Variants in FTCD observed in about 807,000 individuals in gnomAD.
FTCD encodes formimidoyltransferase-cyclodeaminase.
Under a neutral mutation model 62.9 loss-of-function variants are expected in FTCD, and 76 were observed. That is an observed-to-expected ratio of 1.21 (90% CI 1.00 to 1.46). The LOEUF (loss-of-function observed/expected upper bound fraction) is 1.46, where lower values mean the gene tolerates loss of function less well. Among genes scored for constraint, FTCD ranks in the 40% most tolerant of loss-of-function variants. FTCD has a pLI of 0.00. For missense variants in FTCD, 845 were observed against 751.3 expected (o/e 1.12, Z -1.46); for synonymous variants, 397 against 336.9 (o/e 1.18, Z -1.95).
Position 46,154,037 on chromosome 21 carries a change from C to G in FTCD, c.238+112G>C. On this transcript the variant is annotated intron_variant, in intron 2 of 13. Coordinates refer to ENST00000397746, the MANE Select transcript of FTCD (RefSeq NM_206965.2). ...AGAGCCAGAGCCAGCCCCACTGGAC[C>G]CCACGTTCCAAGCCTGGGCCCCGGG... 4 of 1,107,938 alleles carry G rather than the reference C, an allele frequency of 3.6e-6. No individual in the cohort carries two copies. In the South Asian group the frequency reaches 3.7e-5, roughly 10 times the overall value. The allele number at this position is 1,107,938 out of a possible 1,614,324, so 68.6% of individuals were successfully genotyped here.
At chr21:46,140,527 A>G (rs61252612) in intron 10 of FTCD, among the ~76,000 whole-genome samples, 3,063 of 124,866 alleles carry the variant, frequency 0.025, 63 homozygotes, top group Middle Eastern at 0.036. Context: ...CCACCTTCGC[A>G]TTGCTCAGAG....
intron 1 of FTCD, 113 bp from the exon 2 acceptor site, chr21:46,154,445 G>A (rs2079382408): frequency 1.6e-6 from 2 of 1,264,846 alleles, no homozygotes; most frequent in East Asian, 2.5e-5. Context: ...GGCGGGCCAA[G>A]CCTTTGGGGG....
chr21:46,151,442 C>T (rs892951694), intron 5 of FTCD, 116 bp downstream of exon 5: 42 of 962,798 alleles, frequency 4.4e-5, no homozygotes, highest in African/African-American at 5.3e-5. Flanking sequence ...GGTGGGAGGC[C>T]GAACCCTGTC....
chr21:46,152,635 T>C (rs1487273341), intron 3 of FTCD: 1 of 380,646 alleles, frequency 2.6e-6, no homozygotes, highest in Non-Finnish European at 4.7e-6. Flanking sequence ...AGTGAAATTA[T>C]TCTGCTCTAG....
chr21:46,138,905 T>C lies in FTCD; in HGVS notation c.1279A>G (p.Lys427Glu). 6.2e-7 allele frequency: 1 copy of C among 1,613,216 alleles called. No homozygotes were observed. Among genetic ancestry groups the C allele is most frequent in the South Asian group, 1.1e-5 (1 of 91,070 alleles). ...TAYLEAMRLP[K>E]NTPEEKDRRT... ...CTGTCCTTTTCCTCAGGTGTGTTCT[T>C]GGGGAGCCTCATTGCTTCCTGCCAT... Residue 427 changes from lysine to glutamate, a missense_variant, in exon 11 of 14, where the codon AAG (lysine) becomes GAG (glutamate). Physicochemically the swap from Lys to Glu is moderately conservative, Grantham distance 56. Transcript: ENST00000397746.
At chr21:46,137,157 C>T (rs2078887751) in intron 13 of FTCD, 82 bp downstream of exon 13, 6 of 1,593,702 alleles carry the variant, frequency 3.8e-6, no homozygotes, top group Non-Finnish European at 4.3e-6. Context: ...CCCCACTGCC[C>T]ACAGCCAGTC....
Position 46,151,691 on chromosome 21 carries a change from A to G in FTCD, c.503T>C (p.Val168Ala), listed in dbSNP as rs2079280212. The G allele has an allele frequency of 1.2e-6, 2 of 1,612,856 alleles. No individual in the cohort carries two copies. Among genetic ancestry groups the G allele is most frequent in the South Asian group, 1.1e-5 (1 of 91,094 alleles). The change falls in exon 5 of 14, where the codon GTC becomes GCC. Residue 168 changes from valine (V) to alanine (A), a missense_variant. Transcript: ENST00000397746. ...CGTGGCCGTGGCCCCCCAACTGGGG[A>G]CAAAGGAGCTGGGACCAAAGTCGGG... ...WAPDFGPSSF[V>A]PSWGATATGA...
chr21:46,138,340 G>A (rs753527907), intron 12 of FTCD, among the ~76,000 whole-genome samples, 168 bp downstream of exon 12: 17 of 152,182 alleles, frequency 1.1e-4, no homozygotes, highest in Admixed American at 2.0e-4. Context: ...AGAAGGCAGC[G>A]GACACCCCGG....
intron 10 of FTCD, among the ~76,000 whole-genome samples, chr21:46,144,239 T>C (rs2079076006): frequency 6.6e-6 from 1 of 151,554 alleles, no homozygotes; most frequent in African/African-American, 2.4e-5. Context: ...CGTGTCTTAG[T>C]GGTAGTGGTC....
At chr21:46,143,242 C>A (rs576812002) in intron 10 of FTCD, among the ~76,000 whole-genome samples, 10 of 151,916 alleles carry the variant, frequency 6.6e-5, no homozygotes, top group African/African-American at 1.9e-4. Flanking sequence ...GAAACACAGG[C>A]GCCCCCACCG....
rs764944907 is a variant in FTCD at position 46,137,063 on chromosome 21, C to T, written c.1550G>A (p.Arg517His). 5.5e-5 allele frequency: 89 copies of T among 1,613,668 alleles called. No homozygotes were observed. Among genetic ancestry groups the T allele is most frequent in the Non-Finnish European group, 6.9e-5 (82 of 1,180,010 alleles). ...DEAFKDQIHH[R>H]VSSLLQEAKT... ...GGCTTCCTGCAGGAGGCTGGAAACA[C>T]GATGGTGGATCTGATGGACACAGGG... The change falls in exon 14 of 14, where the codon CGT (arginine) becomes CAT (histidine). Residue 517 changes from arginine to histidine, a missense_variant. Transcript: ENST00000397746.
intron 7 of FTCD, among the ~76,000 whole-genome samples, chr21:46,147,594 G>A (rs1163040931): frequency 6.6e-6 from 1 of 151,996 alleles, no homozygotes; most frequent in Non-Finnish European, 1.5e-5. Flanking sequence ...CGCAGCCACG[G>A]GCACAGCCAG....
chr21:46,153,098 G>A lies in FTCD; in HGVS notation c.239-63C>T, dbSNP rs1470449777. 2.0e-6 allele frequency: 3 copies of A among 1,504,430 alleles called. No individual in the cohort carries two copies. The African/African-American group carries it at 4.2e-5, about 21-fold the overall frequency. 93.2% of individuals were successfully genotyped at this position (1,504,430 alleles called of 1,614,324 possible). A position where few individuals can be genotyped will look rare whatever the true frequency, so the allele number is the denominator to read the frequency against. ...GTGGGAGCGGGTGGGAGCTCCACGG[G>A]GTTCTCGGACCCTCTGTCCTCTCCG... is the stretch of plus-strand genomic sequence containing the variant. On this transcript the variant is annotated intron_variant, in intron 2 of 13. Transcript: ENST00000397746.
In FTCD at chr21:46,150,118, C is replaced by T; in HGVS notation, c.906+1G>A. ...GACCCTTCCTCGGCAGCCCGGCCCA[C>T]CAGCCTGATCCGCTGCTCCTCCTCC... is the stretch of plus-strand genomic sequence containing the variant. On this transcript the variant is annotated splice_donor_variant, in intron 7 of 13. Transcript: ENST00000397746. LOFTEE classifies it high-confidence loss of function. The T allele has an allele frequency of 6.2e-7, 1 of 1,610,838 alleles. No homozygotes were observed. Among genetic ancestry groups the T allele is most frequent in the South Asian group, 1.1e-5 (1 of 90,598 alleles).
chr21:46,138,847 A>AGGCCCACGGTGC, intron 11 of FTCD, 33 bp downstream of exon 11: 1 of 1,587,598 alleles, frequency 6.3e-7, no homozygotes, highest in South Asian at 1.1e-5. Context: ...CCAGACACAG[A>AGGCCCACGGTGC]GGCCCACGGT....
intron 10 of FTCD, among the ~76,000 whole-genome samples, chr21:46,140,583 CACA>C (rs2078979064): frequency 3.7e-5 from 5 of 134,626 alleles, no homozygotes; most frequent in Non-Finnish European, 8.1e-5. Context: ...TCACGTGGCT[CACA>C]GGGAGTGTAA....
chr21:46,143,698 C>T (rs946458122), intron 10 of FTCD, among the ~76,000 whole-genome samples: 1 of 152,182 alleles, frequency 6.6e-6, no homozygotes, highest in South Asian at 2.1e-4. Flanking sequence ...CTTGGTCTAG[C>T]GGTAAGGCCA....
At position 46,150,183 on chromosome 21, in the gene FTCD, G is replaced by A. The variant is rs752941882; in HGVS notation, c.842C>T (p.Ala281Val). The change falls in exon 7 of 14, where the codon GCG becomes GTG. Residue 281 changes from alanine to valine, a missense_variant. Coordinates refer to ENST00000397746, the MANE Select transcript of FTCD (RefSeq NM_206965.2). The part of the protein sequence containing the change: ...GLVPLKALLD[A>V]AAFYCEKENL... ...CTCCTTCTCGCAGTAGAAGGCGGCC[G>A]CATCCAGCAGAGCCTTCAGGGGCAC... 2.5e-5 allele frequency: 41 copies of A among 1,608,930 alleles called. No individual in the cohort carries two copies. The highest frequency in any genetic ancestry group is 3.3e-5 in the Non-Finnish European group (39 of 1,178,226).
In FTCD at chr21:46,136,980, C is replaced by T. The variant is rs201212662; in HGVS notation, c.*7G>A. ...GGCCACAGAGCCCGGAGAGGCCTCC[C>T]GCACCGTCACTCCTGCCGGGTCTCC... On this transcript the variant is annotated 3_prime_UTR_variant, in exon 14 of 14. Coordinates refer to ENST00000397746, the MANE Select transcript of FTCD (RefSeq NM_206965.2). The T allele has an allele frequency of 1.1e-4, 183 of 1,613,096 alleles. 1 individual carries two copies. In the African/African-American group the frequency reaches 1.6e-3, roughly 14 times the overall value.
Sources: allele counts gnomAD v4.1 joint callset (sites outside exome capture counted in the v4.1 genomes callset), GRCh38; gene constraint gnomAD v4.1.1; transcripts MANE v1.5; gene names NCBI Gene and HGNC (gene_info 2026-07-23, HGNC 2026-07-21).